LGALSL: variants seen among roughly 807,000 people sequenced by gnomAD.
LGALSL encodes the protein galectin-related protein.
Under a neutral mutation model 19.5 loss-of-function variants are expected in LGALSL, and 13 were observed. The observed-to-expected ratio is 0.67, with a 90% CI of 0.43 to 1.06. LGALSL has a LOEUF of 1.06. LGALSL is among the 50% of genes least tolerant of loss of function. The probability of loss-of-function intolerance (pLI) is 0.00; values close to 1 mark genes in which losing one functional copy is unlikely to be tolerated. For synonymous variants in LGALSL, 86 were observed against 78.3 expected, an observed-to-expected ratio of 1.10 and a Z score of -0.52; for missense variants, 189 against 219.3, an observed-to-expected ratio of 0.86 and a Z score of 0.87.
At position 64,455,563 on chromosome 2, in the gene LGALSL, C is replaced by T. The variant is rs572386343; in HGVS notation, c.109-26C>T. On this transcript the variant is annotated intron_variant, in intron 2 of 4. Transcript: ENST00000238875. The stretch of plus-strand genomic sequence containing the variant: ...CTTTTCCCTAACAGGCTGTAAAATT[C>T]ATTTTTCTTCTCCCACCCTTTTCAG... 3 of 1,602,126 alleles carry T rather than the reference C, an allele frequency of 1.9e-6. No homozygotes were observed. The African/African-American group carries it at 4.0e-5, about 21-fold the overall frequency.
In LGALSL at chr2:64,458,285, G is replaced by A; in HGVS notation, c.376G>A (p.Val126Met). ...FPFIPDQPFR[V>M]EILCEHPRFR... The stretch of plus-strand genomic sequence containing the variant: ...TGGATTATTATTTTGTTTCTTCCAG[G>A]TGGAAATTCTTTGTGAGCACCCACG... Residue 126 changes from valine to methionine, a missense_variant and splice_region_variant, in exon 5 of 5, where the codon GTG becomes ATG. Physicochemically the swap from Val to Met is conservative, Grantham distance 21. This residue lies in a region of LGALSL where 106 missense variants were observed against 119.3 expected (regional missense o/e 0.89). Coordinates refer to ENST00000238875, the MANE Select transcript of LGALSL (RefSeq NM_014181.3). 1.9e-6 allele frequency: 3 copies of A among 1,613,488 alleles called. No homozygotes were observed. The highest frequency in any genetic ancestry group is 2.5e-6 in the Non-Finnish European group (3 of 1,179,706).
rs982950805 is a variant in LGALSL at position 64,460,899 on chromosome 2, C to T, written c.*2471C>T. The T allele has an allele frequency of 3.9e-5, 6 of 152,168 alleles. No homozygotes were observed. The highest frequency in any genetic ancestry group is 1.4e-4 in the African/African-American group (6 of 41,432). The allele number at this position is 152,168 out of a possible 1,614,324, so 9.4% of individuals were successfully genotyped here. Reference sequence around the variant, plus strand: ...AACCAAAACCAAGGAGTATAAATAACAATCAGGCTCTGGGGGAATAGAAAG... The same window carrying T: ...AACCAAAACCAAGGAGTATAAATAATAATCAGGCTCTGGGGGAATAGAAAG... On this transcript the variant is annotated 3_prime_UTR_variant, in exon 5 of 5. Coordinates refer to ENST00000238875, the MANE Select transcript of LGALSL (RefSeq NM_014181.3).
chr2:64,456,170 A>T (rs1686732702), intron 3 of LGALSL, 118 bp from the exon 4 acceptor site: 2 of 781,510 alleles, frequency 2.6e-6, no homozygotes, highest in Admixed American at 6.0e-5. Context: ...TCTCTTGAAG[A>T]GTAGTGGCCT....
In LGALSL at chr2:64,456,279, T is replaced by G. The variant is rs752273671; in HGVS notation, c.198-9T>G. 25 of 1,609,358 alleles carry G rather than the reference T, an allele frequency of 1.6e-5. No homozygotes were observed. Among genetic ancestry groups the G allele is most frequent in the Non-Finnish European group, 2.0e-5 (24 of 1,178,270 alleles). On this transcript the variant is annotated splice_polypyrimidine_tract_variant and intron_variant, in intron 3 of 4. Transcript: ENST00000238875. ...CAACCCTTAATCAGTGGGATGATTT[T>G]CTTTTCAGCTTTGCAATCAGCTTGA...
At chr2:64,455,235 CTG>C (rs1467681055) in intron 1 of LGALSL, 107 bp from the exon 2 acceptor site, 3 of 783,406 alleles carry the variant, frequency 3.8e-6, no homozygotes, top group South Asian at 2.8e-5. Context: ...TCTGCAGACA[CTG>C]TGTGCATGTG....
In LGALSL at chr2:64,460,643, G is replaced by A. The variant is rs10496118; in HGVS notation, c.*2215G>A. ...TTTCTCTGTGAGGTTAGTGGGAACC[G>A]CTTGGATAAGCCTATTGGGATTAAT... is the stretch of plus-strand genomic sequence containing the variant. On this transcript the variant is annotated 3_prime_UTR_variant, in exon 5 of 5. Coordinates refer to ENST00000238875, the MANE Select transcript of LGALSL (RefSeq NM_014181.3). 2 of 152,010 alleles carry A rather than the reference G, an allele frequency of 1.3e-5. No individual in the cohort carries two copies. The highest frequency in any genetic ancestry group is 4.8e-5 in the African/African-American group (2 of 41,348). The allele number at this position is 152,010 out of a possible 1,614,324, so 9.4% of individuals were successfully genotyped here. A position where few individuals can be genotyped will look rare whatever the true frequency, so the allele number is the denominator to read the frequency against.
At position 64,456,326 on chromosome 2, in the gene LGALSL, C is replaced by G. The variant is rs768976796; in HGVS notation, c.236C>G (p.Pro79Arg). The G allele has an allele frequency of 1.2e-6, 2 of 1,612,040 alleles. No individual in the cohort carries two copies. Among genetic ancestry groups the G allele is most frequent in the Non-Finnish European group, 1.7e-6 (2 of 1,179,180 alleles). ...TTGACCTGTGGGGACTCAGAAGACC[C>G]TCCTGCCGATGTGGCAATCGAACTC... ...ISLTCGDSED[P>R]PADVAIELKA... Residue 79 changes from proline to arginine, a missense_variant, in exon 4 of 5, where the codon CCT (proline) becomes CGT (arginine). Coordinates refer to ENST00000238875, the MANE Select transcript of LGALSL (RefSeq NM_014181.3).
intron 4 of LGALSL, 129 bp downstream of exon 4, chr2:64,456,594 G>A: frequency 6.2e-6 from 4 of 647,072 alleles, no homozygotes; most frequent in Admixed American, 3.1e-5. Context: ...ACCCAATGGT[G>A]AAAAAAAAAG....
chr2:64,456,593 T>TG lies in LGALSL; in HGVS notation c.375+129dup, dbSNP rs1275338403. On this transcript the variant is annotated intron_variant, in intron 4 of 4. Transcript: ENST00000238875. ...GTCCAGGAAATTTGTCACCCAATGG[T>TG]GAAAAAAAAAGATCAAAAGAGCTCT... 4.1e-5 allele frequency: 29 copies of TG among 701,954 alleles called. No individual in the cohort carries two copies. In the South Asian group the frequency reaches 5.6e-4, roughly 14 times the overall value. 43.5% of individuals were successfully genotyped at this position (701,954 alleles called of 1,614,324 possible). A position where few individuals can be genotyped will look rare whatever the true frequency, so the allele number is the denominator to read the frequency against.
rs1178515871 is a variant in LGALSL at position 64,460,049 on chromosome 2, T to C, written c.*1621T>C. The stretch of plus-strand genomic sequence containing the variant: ...TTTTTTACACAACATGCAGAGGCAC[T>C]GAAGTGACCATGTCATTTTCAAGTG... On this transcript the variant is annotated 3_prime_UTR_variant, in exon 5 of 5. Coordinates refer to ENST00000238875, the MANE Select transcript of LGALSL (RefSeq NM_014181.3). 6.6e-6 allele frequency: 1 copy of C among 151,742 alleles called. No homozygotes were observed. Among genetic ancestry groups the C allele is most frequent in the African/African-American group, 2.4e-5 (1 of 41,272 alleles). 9.4% of individuals were successfully genotyped at this position (151,742 alleles called of 1,614,324 possible).
At position 64,454,167 on chromosome 2, in the gene LGALSL, C is replaced by A. The variant is rs1686685000; in HGVS notation, c.-379C>A. 1 of 393,598 alleles carries A rather than the reference C, an allele frequency of 2.5e-6. No individual in the cohort carries two copies. 24.4% of individuals were successfully genotyped at this position (393,598 alleles called of 1,614,324 possible). A position where few individuals can be genotyped will look rare whatever the true frequency, so the allele number is the denominator to read the frequency against. Reference sequence around the variant, plus strand: ...CCCCGCCGGGTCCCCGCCCTGTTCCCGGTTCCCGAGCCGGGCCCCGGAGGC... The same window carrying A: ...CCCCGCCGGGTCCCCGCCCTGTTCCAGGTTCCCGAGCCGGGCCCCGGAGGC... On this transcript the variant is annotated 5_prime_UTR_variant, in exon 1 of 5. Coordinates refer to ENST00000238875, the MANE Select transcript of LGALSL (RefSeq NM_014181.3). This position sits in a 1 kb window ranked among gnomAD's most constrained non-coding sequence, Gnocchi z 5.1.
chr2:64,455,169 G>C (rs944366690), intron 1 of LGALSL, among the ~76,000 whole-genome samples, 175 bp from the exon 2 acceptor site: 1 of 152,222 alleles, frequency 6.6e-6, no homozygotes, highest in Non-Finnish European at 1.5e-5. Context: ...CGGGTGGAAA[G>C]GATGGGTTTT....
At position 64,454,836 on chromosome 2, in the gene LGALSL, C is replaced by G. The variant is rs1419376922; in HGVS notation, c.36+255C>G. 4.6e-5 allele frequency among the ~76,000 whole-genome samples: 7 copies of G among 151,302 alleles called. No homozygotes were observed. Among genetic ancestry groups the G allele is most frequent in the Admixed American group, 3.9e-4 (6 of 15,228 alleles). ...ATGGCGGGTAGGGACGCCCGACAGC[C>G]CCCTCTGTGCCGTGCAACCGCCAGC... is the stretch of plus-strand genomic sequence containing the variant. On this transcript the variant is annotated intron_variant, in intron 1 of 4. Coordinates refer to ENST00000238875, the MANE Select transcript of LGALSL (RefSeq NM_014181.3). This position sits in a 1 kb window ranked among gnomAD's most constrained non-coding sequence, Gnocchi z 5.1.
In LGALSL at chr2:64,454,742, G is replaced by A. The variant is rs1357551912; in HGVS notation, c.36+161G>A. On this transcript the variant is annotated intron_variant, in intron 1 of 4. Transcript: ENST00000238875. The surrounding 1 kb of genome is among the most constrained non-coding windows in gnomAD (Gnocchi z 5.1). ...CTGTTAGCAGCCGCTGGCTGCGCGC[G>A]GCCGGTGTTAGGGGCTGGAGAGGCT... 2.0e-5 allele frequency among the ~76,000 whole-genome samples: 3 copies of A among 152,048 alleles called. No individual in the cohort carries two copies. Among genetic ancestry groups the A allele is most frequent in the African/African-American group, 7.2e-5 (3 of 41,428 alleles).
Position 64,460,101 on chromosome 2 carries a change from C to T in LGALSL, c.*1673C>T, listed in dbSNP as rs977895454. 4 of 151,236 alleles carry T rather than the reference C, an allele frequency of 2.6e-5. No homozygotes were observed. Among genetic ancestry groups the T allele is most frequent in the African/African-American group, 9.7e-5 (4 of 41,114 alleles). The allele number at this position is 151,236 out of a possible 1,614,324, so 9.4% of individuals were successfully genotyped here. Reference sequence around the variant, plus strand: ...CAAGAATGTAGACAGTGTTTCAGTACCAAAGTCTAAAATAAACTAAAATTA... The same window carrying T: ...CAAGAATGTAGACAGTGTTTCAGTATCAAAGTCTAAAATAAACTAAAATTA... On this transcript the variant is annotated 3_prime_UTR_variant, in exon 5 of 5. Transcript: ENST00000238875.
Position 64,454,987 on chromosome 2 carries a change from G to C in LGALSL, c.37-357G>C, listed in dbSNP as rs1686709530. On this transcript the variant is annotated intron_variant, in intron 1 of 4. Transcript: ENST00000238875. This position sits in a 1 kb window ranked among gnomAD's most constrained non-coding sequence, Gnocchi z 5.1. ...CCGAGAGAAGTTGAGCACGGCCGCT[G>C]CACTTCAGTCACGTCCCGAAGGACA... Among the ~76,000 whole-genome samples the C allele has an allele frequency of 6.6e-6, 1 of 152,194 alleles. No individual in the cohort carries two copies.
rs1280148232 is a variant in LGALSL, at chr2:64,454,392, C to CCGGGCCCCGGGCGCGCGCGCG, written c.-151_-131dup. ...CCAGGCTCTGCCTGCCAGGTCGGCG[C>CCGGGCCCCGGGCGCGCGCGCG]CGGGCCCCGGGCGCGCGCGCGCGCG... On this transcript the variant is annotated 5_prime_UTR_variant, in exon 1 of 5. Transcript: ENST00000238875. This position sits in a 1 kb window ranked among gnomAD's most constrained non-coding sequence, Gnocchi z 5.1. 6 of 383,720 alleles carry CCGGGCCCCGGGCGCGCGCGCG rather than the reference C, an allele frequency of 1.6e-5. No individual in the cohort carries two copies. The highest frequency in any genetic ancestry group is 1.3e-4 in the African/African-American group (6 of 47,260). 23.8% of individuals were successfully genotyped at this position (383,720 alleles called of 1,614,324 possible). A position where few individuals can be genotyped will look rare whatever the true frequency, so the allele number is the denominator to read the frequency against.
rs943105613 is a variant in LGALSL, at chr2:64,459,350, C to T, written c.*922C>T. The T allele has an allele frequency of 2.0e-5, 3 of 152,064 alleles. No homozygotes were observed. The highest frequency in any genetic ancestry group is 4.4e-5 in the Non-Finnish European group (3 of 68,010). The allele number at this position is 152,064 out of a possible 1,614,324, so 9.4% of individuals were successfully genotyped here. On this transcript the variant is annotated 3_prime_UTR_variant, in exon 5 of 5. Coordinates refer to ENST00000238875, the MANE Select transcript of LGALSL (RefSeq NM_014181.3). The stretch of plus-strand genomic sequence containing the variant: ...ATTAAGTTGTTATTAATCAAAAACA[C>T]AAAGAGGTGATTGCTTAGACAATTT...
chr2:64,454,627 G>A lies in LGALSL; in HGVS notation c.36+46G>A, dbSNP rs1311859555. On this transcript the variant is annotated intron_variant, in intron 1 of 4. Transcript: ENST00000238875. This position sits in a 1 kb window ranked among gnomAD's most constrained non-coding sequence, Gnocchi z 5.1. ...GCGAGGCGCCCCTCCCCGCCGTCCC[G>A]CACTCCGCCGCCGCCTGCTCCAGCA... The A allele has an allele frequency of 7.0e-6, 9 of 1,280,960 alleles. No individual in the cohort carries two copies. Among genetic ancestry groups the A allele is most frequent in the East Asian group, 6.5e-5 (2 of 30,610 alleles). The allele number at this position is 1,280,960 out of a possible 1,614,324, so 79.3% of individuals were successfully genotyped here. A position where few individuals can be genotyped will look rare whatever the true frequency, so the allele number is the denominator to read the frequency against.
Sources: gnomAD v4.1 joint callset for allele counts (sites outside exome capture counted in the v4.1 genomes callset) on GRCh38, gnomAD v4.1.1 for gene constraint, gnomAD v4.1.1 regional missense constraint, Gnocchi (gnomAD v3.1) non-coding constraint, MANE v1.5 for transcripts, NCBI Gene and HGNC (gene_info 2026-07-23, HGNC 2026-07-21) for gene names.